Variants in SGPP2 observed in about 807,000 individuals in gnomAD.
The protein encoded by SGPP2 is sphingosine-1-phosphate phosphatase 2, also known as sphingosine 1-phosphate phosphohydrolase 2.
Under a neutral mutation model 33.9 loss-of-function variants are expected in SGPP2, and 30 were observed. The ratio of observed to expected loss-of-function variants is 0.89; its 90% CI spans 0.66 to 1.20. SGPP2 has a LOEUF of 1.20. SGPP2 is among the 50% of genes most tolerant of loss of function. The pLI is 0.00. For missense variants in SGPP2, 458 were observed against 532.1 expected, an observed-to-expected ratio of 0.86 and a Z score of 1.37; for synonymous variants, 233 against 225.0, an observed-to-expected ratio of 1.04 and a Z score of -0.32.
chr2:222,500,114 A>C (rs1385674271), intron 2 of SGPP2, among the ~76,000 whole-genome samples: 1 of 152,198 alleles, frequency 6.6e-6, no homozygotes, highest in Non-Finnish European at 1.5e-5. Flanking sequence ...CCAGGCTTGG[A>C]TACTCTGTCA....
At chr2:222,529,136 T>C (rs1359118384) in intron 4 of SGPP2, among the ~76,000 whole-genome samples, 1 of 152,222 alleles carries the variant, frequency 6.6e-6, no homozygotes, top group Non-Finnish European at 1.5e-5. Context: ...ACTACGTTTA[T>C]GTAATATTCT....
chr2:222,473,832 G>A (rs1360638354), intron 1 of SGPP2, among the ~76,000 whole-genome samples: 1 of 151,362 alleles, frequency 6.6e-6, no homozygotes, highest in Non-Finnish European at 1.5e-5. Context: ...GCTGAGGCAG[G>A]AGAATCACTT....
At chr2:222,492,966 C>T (rs776927191) in intron 2 of SGPP2, among the ~76,000 whole-genome samples, 1 of 152,202 alleles carries the variant, frequency 6.6e-6, no homozygotes, top group Non-Finnish European at 1.5e-5. Context: ...GTCCATATTA[C>T]TATCAGCATT....
At position 222,477,212 on chromosome 2, in the gene SGPP2, CAT is replaced by C. The variant is rs1032409358; in HGVS notation, c.378+2493_378+2494del. 5.7e-5 allele frequency among the ~76,000 whole-genome samples: 8 copies of C among 140,340 alleles called. No individual in the cohort carries two copies. Among genetic ancestry groups the C allele is most frequent in the African/African-American group, 1.3e-4 (5 of 37,370 alleles). The allele number at this position is 140,340 out of a possible 152,430, so 92.1% of individuals were successfully genotyped here. On this transcript the variant is annotated intron_variant, in intron 2 of 4. Transcript: ENST00000321276. This position sits in a 1 kb window ranked among gnomAD's most constrained non-coding sequence, Gnocchi z 6.0. ...GTGTATATATGTGTGTGCATAGGTG[CAT>C]ATATATGTTTATGTATATAGGTGTG...
rs573363344 is a variant in SGPP2, at chr2:222,510,348, AG to A, written c.379-11417del. Among the ~76,000 whole-genome samples, 25 of 152,340 alleles carry A rather than the reference AG, an allele frequency of 1.6e-4. No homozygotes were observed. The South Asian group carries it at 5.0e-3, about 30-fold the overall frequency. On this transcript the variant is annotated intron_variant, in intron 2 of 4. Transcript: ENST00000321276. ...ATTTGGATAAATTAAGAAACAGGAT[AG>A]GTACGTACTGGTAGAGAGGCTGTGG...
rs180906736 is a variant in SGPP2, at chr2:222,476,831, T to C, written c.378+2105T>C. 7.9e-5 allele frequency among the ~76,000 whole-genome samples: 12 copies of C among 152,044 alleles called. No individual in the cohort carries two copies. Among genetic ancestry groups the C allele is most frequent in the African/African-American group, 2.9e-4 (12 of 41,414 alleles). On this transcript the variant is annotated intron_variant, in intron 2 of 4. Transcript: ENST00000321276. The surrounding 1 kb of genome is among the most constrained non-coding windows in gnomAD (Gnocchi z 4.3). Reference sequence around the variant, plus strand: ...GTGCGTGTATATAGGTGTGTGTATATGTGTATGTGTGTATATAGGTGTGTA... The same window carrying C: ...GTGCGTGTATATAGGTGTGTGTATACGTGTATGTGTGTATATAGGTGTGTA...
At chr2:222,425,237 T>C (rs1367716732) in intron 1 of SGPP2, among the ~76,000 whole-genome samples, 3 of 139,510 alleles carry the variant, frequency 2.2e-5, no homozygotes, top group African/African-American at 8.2e-5. Flanking sequence ...CCCCCTTCCC[T>C]GATGCGCACA....
At chr2:222,479,382 GT>G (rs1241155676) in intron 2 of SGPP2, among the ~76,000 whole-genome samples, 5 of 139,580 alleles carry the variant, frequency 3.6e-5, no homozygotes, top group African/African-American at 1.4e-4. Context: ...CTGCTTGACT[GT>G]TTCTTATCTA....
chr2:222,467,950 G>GA lies in SGPP2; in HGVS notation c.220-6580dup, dbSNP rs61253653. Among the ~76,000 whole-genome samples the GA allele has an allele frequency of 7.7e-3, 192 of 24,854 alleles. 28 individuals are homozygous for GA. Among genetic ancestry groups the GA allele is most frequent in the Non-Finnish European group, 0.023 (127 of 5,412 alleles). 16.3% of individuals were successfully genotyped at this position (24,854 alleles called of 152,430 possible). ...AAATGTATATTTAAAGCTCTAATCT[G>GA]AAAAAAAAAAAAAAAAAAAAAAAAA... is the stretch of plus-strand genomic sequence containing the variant. On this transcript the variant is annotated intron_variant, in intron 1 of 4. Coordinates refer to ENST00000321276, the MANE Select transcript of SGPP2 (RefSeq NM_152386.4).
At chr2:222,475,807 G>T (rs1379246329) in intron 2 of SGPP2, among the ~76,000 whole-genome samples, 1 of 152,228 alleles carries the variant, frequency 6.6e-6, no homozygotes, top group Admixed American at 6.5e-5. Flanking sequence ...TTTGGTATCA[G>T]AGAGGCCTGA....
chr2:222,486,558 A>G (rs370731942), intron 2 of SGPP2, among the ~76,000 whole-genome samples: 2 of 152,216 alleles, frequency 1.3e-5, no homozygotes, highest in Admixed American at 6.5e-5. Context: ...CCAACTTTCA[A>G]GATATTCACT....
chr2:222,475,159 T>C (rs1193850797), intron 2 of SGPP2, among the ~76,000 whole-genome samples: 1 of 152,114 alleles, frequency 6.6e-6, no homozygotes, highest in Non-Finnish European at 1.5e-5. Flanking sequence ...GTCAGGTGCC[T>C]CCCAGGTTCA....
intron 1 of SGPP2, among the ~76,000 whole-genome samples, chr2:222,466,451 G>A (rs778108670): frequency 6.6e-6 from 1 of 151,806 alleles, no homozygotes; most frequent in Admixed American, 6.6e-5. Context: ...GTGGAGATGG[G>A]GTTTCACCAT....
chr2:222,457,654 A>G (rs1697592170), intron 1 of SGPP2, among the ~76,000 whole-genome samples: 1 of 152,244 alleles, frequency 6.6e-6, no homozygotes, highest in Non-Finnish European at 1.5e-5. Flanking sequence ...CTAGAGATTT[A>G]CACTAAAAAG....
intron 4 of SGPP2, among the ~76,000 whole-genome samples, chr2:222,544,898 CA>C (rs1183506095): frequency 6.6e-6 from 1 of 152,088 alleles, no homozygotes; most frequent in African/African-American, 2.4e-5. Context: ...CTCTGAAATG[CA>C]CTTTTAATAG....
At chr2:222,497,188 G>C (rs1483382979) in intron 2 of SGPP2, among the ~76,000 whole-genome samples, 3 of 151,722 alleles carry the variant, frequency 2.0e-5, no homozygotes, top group African/African-American at 7.3e-5. Context: ...AACTGCTCAG[G>C]AGTCTTTAAA....
At chr2:222,429,392 C>G (rs939273724) in intron 1 of SGPP2, among the ~76,000 whole-genome samples, 1 of 152,148 alleles carries the variant, frequency 6.6e-6, no homozygotes, top group Admixed American at 6.5e-5. Flanking sequence ...GATCAGACTG[C>G]AAGTTTTTAT....
At chr2:222,519,056 T>C (rs556439830) in intron 2 of SGPP2, among the ~76,000 whole-genome samples, 1 of 152,354 alleles carries the variant, frequency 6.6e-6, no homozygotes, top group African/African-American at 2.4e-5. Context: ...AAAATTATTT[T>C]GAAATAGTTC....
At chr2:222,427,737 A>G (rs1697094189) in intron 1 of SGPP2, among the ~76,000 whole-genome samples, 1 of 152,138 alleles carries the variant, frequency 6.6e-6, no homozygotes, top group South Asian at 2.1e-4. Flanking sequence ...AATGAATCTG[A>G]TTTACCTTCT....
Sources: allele counts gnomAD v4.1 joint callset (sites outside exome capture counted in the v4.1 genomes callset), GRCh38; gene constraint gnomAD v4.1.1; non-coding constraint Gnocchi (gnomAD v3.1); transcripts MANE v1.5; gene names NCBI Gene and HGNC (gene_info 2026-07-23, HGNC 2026-07-21).